Variants in KSR1 observed in about 807,000 individuals in gnomAD.
KSR1 encodes the protein kinase suppressor of ras.
Under a neutral mutation model 92.9 loss-of-function variants are expected in KSR1, and 35 were observed. The observed-to-expected ratio is 0.38, with a 90% CI of 0.29 to 0.50. KSR1 has a LOEUF of 0.50. Ranked by LOEUF, KSR1 falls within the 20% of genes least tolerant of loss-of-function variation. The pLI is 0.94. For missense variants in KSR1, 972 were observed against 1,158.5 expected (o/e 0.84, Z 2.34); for synonymous variants, 467 against 472.6 (o/e 0.99, Z 0.15).
chr17:27,597,090 C>G (rs952456806), intron 9 of KSR1, among the ~76,000 whole-genome samples, 178 bp from the exon 10 acceptor site: 3 of 152,220 alleles, frequency 2.0e-5, no homozygotes, highest in Non-Finnish European at 1.5e-5. Context: ...GGAGTGAGCA[C>G]TGAGGCGAGG....
chr17:27,567,437 A>T (rs2072123352), intron 2 of KSR1, among the ~76,000 whole-genome samples: 1 of 152,164 alleles, frequency 6.6e-6, no homozygotes, highest in Non-Finnish European at 1.5e-5. Context: ...TTTTAAAAAA[A>T]GTTGTAGTGG....
chr17:27,610,059 G>T lies in KSR1; in HGVS notation c.2226-8G>T. The T allele has an allele frequency of 6.2e-7, 1 of 1,613,806 alleles. No individual in the cohort carries two copies. The highest frequency in any genetic ancestry group is 2.2e-5 in the East Asian group (1 of 44,876). On this transcript the variant is annotated splice_region_variant and splice_polypyrimidine_tract_variant and intron_variant, in intron 16 of 20. Coordinates refer to ENST00000644974, the MANE Select transcript of KSR1 (RefSeq NM_001394583.1). ...CCTGTGTCCTTGTCCCGGCTTCCTG[G>T]TCTCCAGGCGTGAGAACCAGCTAAA...
At chr17:27,552,961 G>A (rs1349312418) in intron 2 of KSR1, among the ~76,000 whole-genome samples, 1 of 152,200 alleles carries the variant, frequency 6.6e-6, no homozygotes, top group Non-Finnish European at 1.5e-5. Context: ...AGTTGAGGAA[G>A]CTAGCACTCA....
intron 1 of KSR1, among the ~76,000 whole-genome samples, chr17:27,544,415 T>C (rs2071085463): frequency 6.6e-6 from 1 of 152,196 alleles, no homozygotes; most frequent in Non-Finnish European, 1.5e-5. Context: ...CCCAAGATCT[T>C]TGATTTTAGA....
intron 2 of KSR1, chr17:27,566,245 A>G (rs1035600597): frequency 2.7e-6 from 1 of 377,180 alleles, no homozygotes; most frequent in African/African-American, 2.1e-5. Context: ...CCCCTGCTGC[A>G]GGGCCTGCTG....
chr17:27,501,289 C>CTTTTTTTTT (rs1567768260), intron 1 of KSR1, among the ~76,000 whole-genome samples: 1 of 43,598 alleles, frequency 2.3e-5, no homozygotes, highest in Non-Finnish European at 4.6e-5. Flanking sequence ...AATTTCTTTT[C>CTTTTTTTTT]TTCTTTTTTT....
intron 1 of KSR1, among the ~76,000 whole-genome samples, chr17:27,534,497 C>T (rs2070684168): frequency 6.6e-6 from 1 of 152,188 alleles, no homozygotes; most frequent in Non-Finnish European, 1.5e-5. Context: ...GAAACTGAGG[C>T]AGAGGGTGGT....
intron 1 of KSR1, among the ~76,000 whole-genome samples, chr17:27,473,531 TG>T (rs1460429308): frequency 6.6e-6 from 1 of 152,168 alleles, no homozygotes; most frequent in Non-Finnish European, 1.5e-5. Flanking sequence ...AGGAGCAGCC[TG>T]TAGGGCTGGG....
At chr17:27,532,230 G>A (rs2070568380) in intron 1 of KSR1, among the ~76,000 whole-genome samples, 1 of 152,234 alleles carries the variant, frequency 6.6e-6, no homozygotes, top group East Asian at 1.9e-4. Flanking sequence ...TCCTTAGATG[G>A]GGCCAATTGC....
At chr17:27,597,219 A>C in intron 9 of KSR1, 49 bp from the exon 10 acceptor site, 1 of 1,542,102 alleles carries the variant, frequency 6.5e-7, no homozygotes, top group Non-Finnish European at 8.8e-7. Flanking sequence ...GGTGGGAGGC[A>C]GGTGGGGCCA....
intron 19 of KSR1, among the ~76,000 whole-genome samples, chr17:27,618,309 A>T (rs1294728961): frequency 6.6e-6 from 1 of 152,118 alleles, no homozygotes; most frequent in African/African-American, 2.4e-5. Flanking sequence ...ATTCTATCTC[A>T]TTCCCTTTTT....
chr17:27,604,448 C>G (rs1363542173), intron 12 of KSR1, among the ~76,000 whole-genome samples: 2 of 152,198 alleles, frequency 1.3e-5, no homozygotes, highest in African/African-American at 4.8e-5. Flanking sequence ...TCACTGCCCA[C>G]CTCTCAGCCC....
At chr17:27,571,728 G>C (rs2072315186) in intron 2 of KSR1, among the ~76,000 whole-genome samples, 1 of 152,268 alleles carries the variant, frequency 6.6e-6, no homozygotes, top group Non-Finnish European at 1.5e-5. Flanking sequence ...CAGAGCCTGG[G>C]TTTGCTTCTT....
intron 1 of KSR1, among the ~76,000 whole-genome samples, chr17:27,508,109 C>T (rs886684232): frequency 1.3e-5 from 2 of 152,154 alleles, no homozygotes; most frequent in South Asian, 4.1e-4. Context: ...GGGCAGTGTT[C>T]ACTGTGGCAG....
At chr17:27,517,958 T>C (rs1222159781) in intron 1 of KSR1, among the ~76,000 whole-genome samples, 2 of 152,238 alleles carry the variant, frequency 1.3e-5, no homozygotes, top group African/African-American at 4.8e-5. Context: ...CGATTCAAGC[T>C]ATTTATTCAT....
At chr17:27,549,469 G>T (rs563098819) in intron 1 of KSR1, among the ~76,000 whole-genome samples, 1 of 152,152 alleles carries the variant, frequency 6.6e-6, no homozygotes. Context: ...TCTGTATCCC[G>T]TGTTCCCCAG....
chr17:27,488,535 T>C (rs541541383), intron 1 of KSR1, among the ~76,000 whole-genome samples: 268 of 152,368 alleles, frequency 1.8e-3, no homozygotes, highest in Non-Finnish European at 3.2e-3. Flanking sequence ...TTAATTAGAA[T>C]GTGCTATGAG....
In KSR1 at chr17:27,604,705, G is replaced by A. The variant is rs1449029745; in HGVS notation, c.1591G>A (p.Val531Met). Residue 531 changes from valine to methionine, a missense_variant, in exon 13 of 21, where the codon GTG (valine) becomes ATG (methionine). Around this residue, in one of 5 missense-constraint regions of KSR1, gnomAD observed 611 missense variants for 668.0 expected, o/e 0.91. Transcript: ENST00000644974. Reference sequence around the variant, plus strand: ...GCTCGATGACCAGCCGAAAGCAGATGTGTTGGAAGCTCACGAAGCGGAGGT... The same window carrying A: ...GCTCGATGACCAGCCGAAAGCAGATATGTTGGAAGCTCACGAAGCGGAGGT... Reference protein sequence around the residue: ...TRLDDQPKADVLEAHEAEAEE... With the variant: ...TRLDDQPKADMLEAHEAEAEE... The A allele has an allele frequency of 5.0e-6, 8 of 1,613,960 alleles. No homozygotes were observed. The highest frequency in any genetic ancestry group is 5.9e-6 in the Non-Finnish European group (7 of 1,179,912).
At chr17:27,494,274 A>G (rs2068913124) in intron 1 of KSR1, among the ~76,000 whole-genome samples, 1 of 152,086 alleles carries the variant, frequency 6.6e-6, no homozygotes, top group Non-Finnish European at 1.5e-5. Context: ...TATGTGGAGT[A>G]TCTGGAATTA....
Sources: gnomAD v4.1 joint callset for allele counts (sites outside exome capture counted in the v4.1 genomes callset) on GRCh38, gnomAD v4.1.1 for gene constraint, gnomAD v4.1.1 regional missense constraint, MANE v1.5 for transcripts, NCBI Gene and HGNC (gene_info 2026-07-23, HGNC 2026-07-21) for gene names.